KIF3B: variants seen among roughly 807,000 people sequenced by gnomAD.
The protein encoded by KIF3B is kinesin-like protein KIF3B.
A neutral mutation model predicts 74.3 loss-of-function variants in KIF3B; 38 were observed. The observed-to-expected ratio is 0.51, with a 90% CI of 0.39 to 0.67. The LOEUF (loss-of-function observed/expected upper bound fraction) is 0.67, where lower values mean the gene tolerates loss of function less well. Ranked by LOEUF, KIF3B falls within the 30% of genes least tolerant of loss-of-function variation. KIF3B has a pLI of 0.00. For synonymous variants in KIF3B, 326 were observed against 342.5 expected, an observed-to-expected ratio of 0.95 and a Z score of 0.53; for missense variants, 649 against 932.0, an observed-to-expected ratio of 0.70 and a Z score of 3.95.
At chr20:32,294,290 A>G (rs1014038493) in intron 1 of KIF3B, among the ~76,000 whole-genome samples, 8 of 152,294 alleles carry the variant, frequency 5.3e-5, no homozygotes, top group African/African-American at 1.9e-4. Context: ...ACATGGCGCC[A>G]GTTTGAATTC....
chr20:32,301,085 C>CTTTTTTTTTTT (rs950388063), intron 1 of KIF3B, among the ~76,000 whole-genome samples: 1 of 90,170 alleles, frequency 1.1e-5, no homozygotes, highest in African/African-American at 4.0e-5. Context: ...GCTTCATGGT[C>CTTTTTTTTTTT]TTTTTTTTTT....
rs1600411367 is a variant in KIF3B, at chr20:32,277,721, G to C, written c.-110G>C. 7.6e-6 allele frequency: 2 copies of C among 264,566 alleles called. No homozygotes were observed. The highest frequency in any genetic ancestry group is 1.2e-4 in the South Asian group (1 of 8,476). 16.4% of individuals were successfully genotyped at this position (264,566 alleles called of 1,614,324 possible). On this transcript the variant is annotated 5_prime_UTR_variant, in exon 1 of 9. Transcript: ENST00000375712. ...GTTCGCCGCCCCCGCCGCCGCCGCC[G>C]CCGCCGCCGCCGCCGCCGCCGCCCG...
intron 1 of KIF3B, among the ~76,000 whole-genome samples, chr20:32,303,860 A>C (rs75464643): frequency 1.7e-5 from 1 of 59,942 alleles, no homozygotes; most frequent in Admixed American, 1.8e-4. Context: ...AGTCTCACAA[A>C]AAAAAAAAAA....
intron 1 of KIF3B, among the ~76,000 whole-genome samples, chr20:32,300,451 GT>G (rs1194845971): frequency 6.6e-6 from 1 of 151,982 alleles, no homozygotes; most frequent in Non-Finnish European, 1.5e-5. Context: ...AATTTTTTCT[GT>G]ATTTTTTTAG....
chr20:32,291,416 A>G (rs1265521890), intron 1 of KIF3B, among the ~76,000 whole-genome samples: 1 of 152,096 alleles, frequency 6.6e-6, no homozygotes, highest in African/African-American at 2.4e-5. Flanking sequence ...GCACTTGGCA[A>G]TCCTATTTTA....
At chr20:32,294,132 G>A (rs1349212363) in intron 1 of KIF3B, among the ~76,000 whole-genome samples, 1 of 150,218 alleles carries the variant, frequency 6.7e-6, no homozygotes, top group Non-Finnish European at 1.5e-5. Context: ...CATTGATTCT[G>A]AATAGTAGGT....
chr20:32,325,252 G>C (rs1019115612), intron 5 of KIF3B, among the ~76,000 whole-genome samples: 1 of 152,050 alleles, frequency 6.6e-6, no homozygotes, highest in Admixed American at 6.6e-5. Context: ...GCGGTGGCAC[G>C]ATCTTGGCTC....
rs1221130450 is a variant in KIF3B, at chr20:32,310,242, G to A, written c.465G>A (p.Leu155=). The A allele has an allele frequency of 1.2e-6, 2 of 1,613,944 alleles. No individual in the cohort carries two copies. The highest frequency in any genetic ancestry group is 3.3e-5 in the Admixed American group (2 of 60,020). ...TCTACCAGGAGGAGATCCGAGATTT[G>A]CTCTCAAAGGATCAGACCAAAAGGC... ...LEIYQEEIRD[L]LSKDQTKRLE... is the part of the protein sequence containing the mutation. The change falls in exon 2 of 9, where the codon TTG becomes TTA. Residue 155 remains leucine (L), a synonymous_variant. Transcript: ENST00000375712. The surrounding 1 kb of genome is among the most constrained non-coding windows in gnomAD (Gnocchi z 6.5).
intron 1 of KIF3B, among the ~76,000 whole-genome samples, chr20:32,299,404 T>TATATATA (rs1555895045): frequency 6.4e-5 from 2 of 31,320 alleles, no homozygotes; most frequent in African/African-American, 1.8e-4. Context: ...TATATATATA[T>TATATATA]TTTTTTTTTT....
At chr20:32,292,679 G>A (rs1044565484) in intron 1 of KIF3B, among the ~76,000 whole-genome samples, 1 of 151,814 alleles carries the variant, frequency 6.6e-6, no homozygotes, top group East Asian at 1.9e-4. Context: ...GATTGCTTGA[G>A]CGAGGAGTTC....
intron 2 of KIF3B, among the ~76,000 whole-genome samples, chr20:32,311,399 A>G (rs1014923582): frequency 1.3e-5 from 2 of 152,186 alleles, no homozygotes; most frequent in Non-Finnish European, 2.9e-5. Flanking sequence ...CATAATGAGA[A>G]TAATTATTAT....
At chr20:32,278,630 T>C (rs943683580) in intron 1 of KIF3B, among the ~76,000 whole-genome samples, 4 of 152,146 alleles carry the variant, frequency 2.6e-5, no homozygotes, top group Non-Finnish European at 5.9e-5. Context: ...CAAGTAGTCC[T>C]GGGAAACTCT....
At chr20:32,322,004 G>A (rs891888927) in intron 5 of KIF3B, among the ~76,000 whole-genome samples, 1 of 152,020 alleles carries the variant, frequency 6.6e-6, no homozygotes, top group Non-Finnish European at 1.5e-5. Flanking sequence ...TCTGAGGTAT[G>A]CCTCTACATT....
intron 1 of KIF3B, among the ~76,000 whole-genome samples, chr20:32,296,773 T>C (rs2047719197): frequency 6.6e-6 from 1 of 152,186 alleles, no homozygotes; most frequent in Non-Finnish European, 1.5e-5. Context: ...TTTCTCAATA[T>C]GTATAAAACG....
At chr20:32,289,746 A>G (rs1234289301) in intron 1 of KIF3B, among the ~76,000 whole-genome samples, 3 of 152,248 alleles carry the variant, frequency 2.0e-5, no homozygotes, top group African/African-American at 4.8e-5. Flanking sequence ...TAAGTAAATA[A>G]TAGTACAGGT....
At chr20:32,295,165 C>T (rs2047710698) in intron 1 of KIF3B, among the ~76,000 whole-genome samples, 1 of 152,132 alleles carries the variant, frequency 6.6e-6, no homozygotes, top group South Asian at 2.1e-4. Flanking sequence ...TGCCTGACTG[C>T]CCTCAAGTAT....
rs1426410198 is a variant in KIF3B at position 32,322,925 on chromosome 20, T to TAC, written c.1749-3845_1749-3844insCA. ...TCATATATATTTTTATATATTTATATATACATATTTATATATATACATATT... is the reference window on the plus strand; with the variant it reads ...TCATATATATTTTTATATATTTATATACATACATATTTATATATATACATATT... On this transcript the variant is annotated intron_variant, in intron 5 of 8. Transcript: ENST00000375712. Among the ~76,000 whole-genome samples the TAC allele has an allele frequency of 3.7e-4, 23 of 61,404 alleles. 3 individuals carry two copies. Among genetic ancestry groups the TAC allele is most frequent in the Admixed American group, 2.2e-3 (7 of 3,166 alleles). 40.3% of individuals were successfully genotyped at this position (61,404 alleles called of 152,430 possible).
intron 1 of KIF3B, among the ~76,000 whole-genome samples, chr20:32,289,197 GTTTT>G (rs36069389): frequency 7.9e-6 from 1 of 126,882 alleles, no homozygotes. Context: ...TACTGGTCTG[GTTTT>G]TTTTTTTTTT....
intron 1 of KIF3B, among the ~76,000 whole-genome samples, chr20:32,304,551 G>A (rs1370760337): frequency 6.6e-6 from 1 of 152,200 alleles, no homozygotes; most frequent in Non-Finnish European, 1.5e-5. Context: ...ATCTGCAGCA[G>A]TGACATAAAT....
Sources: gnomAD v4.1 joint callset for allele counts (sites outside exome capture counted in the v4.1 genomes callset) on GRCh38, gnomAD v4.1.1 for gene constraint, Gnocchi (gnomAD v3.1) non-coding constraint, MANE v1.5 for transcripts, NCBI Gene and HGNC (gene_info 2026-07-23, HGNC 2026-07-21) for gene names.